CDK14: variants seen among roughly 807,000 people sequenced by gnomAD.
CDK14 encodes cyclin dependent kinase 14.
Under a neutral mutation model 60.7 loss-of-function variants are expected in CDK14, and 34 were observed. The observed-to-expected ratio is 0.56, with a 90% CI of 0.43 to 0.75. The LOEUF (loss-of-function observed/expected upper bound fraction) is 0.75. CDK14 is among the 30% of genes least tolerant of loss of function. The pLI is 0.00. For missense variants in CDK14, 482 were observed against 564.1 expected (o/e 0.85, Z 1.47); for synonymous variants, 197 against 203.7 (o/e 0.97, Z 0.28).
At chr7:90,681,880 CT>C (rs1298435576) in intron 2 of CDK14, among the ~76,000 whole-genome samples, 27 of 152,148 alleles carry the variant, frequency 1.8e-4, no homozygotes, top group Non-Finnish European at 5.9e-5. Flanking sequence ...AAGAAAAATT[CT>C]TCACTGCATT....
chr7:90,817,872 A>G (rs150777708), intron 5 of CDK14, among the ~76,000 whole-genome samples: 1 of 152,266 alleles, frequency 6.6e-6, no homozygotes, highest in East Asian at 1.9e-4. Flanking sequence ...ATGTTAATAC[A>G]TTTGGATTAT....
At chr7:90,963,035 G>T (rs1249393462) in intron 9 of CDK14, among the ~76,000 whole-genome samples, 1 of 151,458 alleles carries the variant, frequency 6.6e-6, no homozygotes, top group Non-Finnish European at 1.5e-5. Context: ...CATACTGCCT[G>T]TGTCTTGAGA....
At chr7:91,023,306 C>T (rs541730709) in intron 10 of CDK14, among the ~76,000 whole-genome samples, 22 of 151,936 alleles carry the variant, frequency 1.4e-4, no homozygotes, top group Non-Finnish European at 3.1e-4. Flanking sequence ...TACCATAAAC[C>T]CTAAGTTTGG....
At chr7:90,640,704 C>T (rs1329552940) in intron 2 of CDK14, among the ~76,000 whole-genome samples, 1 of 151,926 alleles carries the variant, frequency 6.6e-6, no homozygotes, top group African/African-American at 2.4e-5. Flanking sequence ...TCTGTGAGAT[C>T]ATCAGAGTGT....
chr7:90,650,889 G>GCA lies in CDK14; in HGVS notation c.123+46640_123+46641insCA, dbSNP rs1371489073. ...GTAGTATAGTTTGAAGTCAGGTATT[G>GCA]TGATGCCTCCAGCTTTGTTCTTTTG... is the stretch of plus-strand genomic sequence containing the variant. On this transcript the variant is annotated intron_variant, in intron 2 of 14. Transcript: ENST00000380050. Among the ~76,000 whole-genome samples, 8 of 152,268 alleles carry GCA rather than the reference G, an allele frequency of 5.3e-5. No homozygotes were observed. The East Asian group carries it at 1.4e-3, about 26-fold the overall frequency.
At chr7:91,179,735 A>G (rs1000163974) in intron 14 of CDK14, among the ~76,000 whole-genome samples, 12 of 152,232 alleles carry the variant, frequency 7.9e-5, no homozygotes, top group South Asian at 2.1e-4. Context: ...CCCAGGAGGC[A>G]GAGGTTGCAG....
intron 2 of CDK14, among the ~76,000 whole-genome samples, chr7:90,606,663 TA>T (rs1799424731): frequency 6.6e-6 from 1 of 152,216 alleles, no homozygotes; most frequent in Non-Finnish European, 1.5e-5. Context: ...AAATATTATC[TA>T]AAACCCACCA....
intron 5 of CDK14, among the ~76,000 whole-genome samples, chr7:90,809,512 G>A (rs1176390944): frequency 6.6e-6 from 1 of 152,008 alleles, no homozygotes; most frequent in East Asian, 1.9e-4. Context: ...GCCCACAAGA[G>A]AAAGCAGGAA....
chr7:90,790,508 G>A (rs1472264547), intron 4 of CDK14, 65 bp from the exon 5 acceptor site: 4 of 1,000,794 alleles, frequency 4.0e-6, no homozygotes, highest in Admixed American at 2.3e-5. Flanking sequence ...AAATTATAAG[G>A]AAGACAATTA....
intron 14 of CDK14, among the ~76,000 whole-genome samples, chr7:91,163,703 A>C (rs1280706154): frequency 6.6e-6 from 1 of 151,994 alleles, no homozygotes; most frequent in Non-Finnish European, 1.5e-5. Context: ...CTCAAAACTT[A>C]TTTCTCTTGT....
chr7:91,193,326 A>T (rs1802434132), intron 14 of CDK14, among the ~76,000 whole-genome samples: 1 of 152,178 alleles, frequency 6.6e-6, no homozygotes, highest in Non-Finnish European at 1.5e-5. Context: ...AAATATATGC[A>T]GTTTTCTGGA....
intron 6 of CDK14, among the ~76,000 whole-genome samples, chr7:90,867,656 A>C (rs997210471): frequency 1.3e-5 from 2 of 152,098 alleles, no homozygotes; most frequent in Non-Finnish European, 2.9e-5. Context: ...AGTGGGTATA[A>C]AGTTTCAGGT....
chr7:90,706,659 G>A (rs1005470729), intron 2 of CDK14, among the ~76,000 whole-genome samples: 3 of 152,124 alleles, frequency 2.0e-5, no homozygotes, highest in Non-Finnish European at 4.4e-5. Flanking sequence ...TGAGTAATGG[G>A]AACAAGTCAG....
Position 90,994,291 on chromosome 7 carries a change from T to C in CDK14, c.1041+10050T>C, listed in dbSNP as rs115801728. The stretch of plus-strand genomic sequence containing the variant: ...GAGTCTTAGGGCTCTCCAAGGGTTC[T>C]TGCCATGTGGGCTGGTTTGGACTTC... On this transcript the variant is annotated intron_variant, in intron 10 of 14. Transcript: ENST00000380050. Among the ~76,000 whole-genome samples, 1,126 of 152,314 alleles carry C rather than the reference T, an allele frequency of 7.4e-3. 19 individuals carry two copies. The highest frequency in any genetic ancestry group is 0.026 in the African/African-American group (1,089 of 41,572).
chr7:90,914,696 T>G (rs1793016545), intron 7 of CDK14, among the ~76,000 whole-genome samples: 1 of 152,226 alleles, frequency 6.6e-6, no homozygotes, highest in African/African-American at 2.4e-5. Context: ...GCATCCTATT[T>G]GAATAGCTTC....
At chr7:90,911,124 T>C (rs1438022572) in intron 7 of CDK14, among the ~76,000 whole-genome samples, 1 of 152,218 alleles carries the variant, frequency 6.6e-6, no homozygotes, top group African/African-American at 2.4e-5. Context: ...TAGTAACATC[T>C]ACCTGGCAGA....
chr7:90,673,751 A>G (rs1363376559), intron 2 of CDK14, among the ~76,000 whole-genome samples: 1 of 152,226 alleles, frequency 6.6e-6, no homozygotes, highest in Non-Finnish European at 1.5e-5. Context: ...GTATAATTTC[A>G]TGCCTTATTT....
chr7:91,088,342 G>A (rs1035038803), intron 12 of CDK14, among the ~76,000 whole-genome samples: 1 of 152,064 alleles, frequency 6.6e-6, no homozygotes, highest in Non-Finnish European at 1.5e-5. Flanking sequence ...CATGTTAAAC[G>A]GTTATTTCCA....
intron 6 of CDK14, among the ~76,000 whole-genome samples, chr7:90,872,014 T>G (rs1161472370): frequency 2.6e-5 from 4 of 152,226 alleles, no homozygotes; most frequent in Non-Finnish European, 5.9e-5. Flanking sequence ...TTCATTCACT[T>G]TTTTCCCTCC....
Sources: gnomAD v4.1 joint callset for allele counts (sites outside exome capture counted in the v4.1 genomes callset) on GRCh38, gnomAD v4.1.1 for gene constraint, MANE v1.5 for transcripts, NCBI Gene and HGNC (gene_info 2026-07-23, HGNC 2026-07-21) for gene names.